The following PRDM11 variants were observed in gnomAD, a reference collection of about 807,000 sequenced individuals.
PRDM11 encodes PR/SET domain 11, also known as PR domain-containing protein 11.
Under a neutral mutation model 97.8 loss-of-function variants are expected in PRDM11, and 20 were observed. That is an observed-to-expected ratio of 0.20 (90% confidence interval 0.14 to 0.30). PRDM11 has a LOEUF of 0.30. Ranked by LOEUF, PRDM11 falls within the 10% of genes least tolerant of loss-of-function variation. PRDM11 has a pLI of 1.00. For synonymous variants in PRDM11, 599 were observed against 637.7 expected, an observed-to-expected ratio of 0.94 and a Z score of 0.91; for missense variants, 1,139 against 1,555.2, an observed-to-expected ratio of 0.73 and a Z score of 4.50.
chr11:45,153,194 G>A (rs371993738), intron 1 of PRDM11, among the ~76,000 whole-genome samples: 12 of 152,312 alleles, frequency 7.9e-5, no homozygotes, highest in East Asian at 7.7e-4. Context: ...TCTGAGTAGC[G>A]AGGGGACCCG....
At chr11:45,143,280 C>G (rs1851444255), upstream of PRDM11, among the ~76,000 whole-genome samples, 1 of 152,144 alleles carries the variant, frequency 6.6e-6, no homozygotes, top group South Asian at 2.1e-4. Flanking sequence ...ATCCAGGGGG[C>G]ATTTACCTTG....
upstream of PRDM11, among the ~76,000 whole-genome samples, chr11:45,095,077 C>T (rs927165793): frequency 6.6e-6 from 1 of 152,106 alleles, no homozygotes; most frequent in Non-Finnish European, 1.5e-5. Flanking sequence ...CAACGCCCTT[C>T]CCCAACCTGC....
intron 1 of PRDM11, among the ~76,000 whole-genome samples, chr11:45,121,437 T>C (rs1852427809): frequency 6.6e-6 from 1 of 152,152 alleles, no homozygotes; most frequent in Non-Finnish European, 1.5e-5. Context: ...GCTTCAAATA[T>C]GCAAAGCAAA....
At chr11:45,176,482 CATT>C in intron 1 of PRDM11, among the ~76,000 whole-genome samples, 1 of 152,216 alleles carries the variant, frequency 6.6e-6, no homozygotes, top group South Asian at 2.1e-4. Context: ...ATAGGTCAGG[CATT>C]ATGCTGTGTT....
intron 1 of PRDM11, among the ~76,000 whole-genome samples, chr11:45,148,976 A>G (rs1414426139): frequency 6.6e-6 from 1 of 152,098 alleles, no homozygotes; most frequent in Admixed American, 6.5e-5. Flanking sequence ...CCAAGAGCAC[A>G]CTGTCCCACT....
At chr11:45,225,957 C>A in intron 7 of PRDM11, 38 bp from the exon 8 acceptor site, 1 of 1,448,230 alleles carries the variant, frequency 6.9e-7, no homozygotes. Flanking sequence ...CTGTTTTCTC[C>A]CCCAGGTATA....
Position 45,227,128 on chromosome 11 carries a change from C to G in PRDM11, c.2503C>G (p.Leu835Val), listed in dbSNP as rs1854294818. The G allele has an allele frequency of 6.5e-7, 1 of 1,533,880 alleles. No individual in the cohort carries two copies. The highest frequency in any genetic ancestry group is 1.4e-5 in the African/African-American group (1 of 72,994). ...VRWIIGEQNV[L>V]NALIKDYLEV... ...GTGGATCATCGGCGAGCAGAACGTC[C>G]TCAACGCTCTCATCAAGGACTACCT... is the stretch of plus-strand genomic sequence containing the variant. Residue 835 changes from leucine (L) to valine (V), a missense_variant, in exon 8 of 8, where the codon CTC (leucine) becomes GTC (valine). Physicochemically the swap from Leu to Val is conservative, Grantham distance 32 (BLOSUM62 1). Coordinates refer to ENST00000683152, the MANE Select transcript of PRDM11 (RefSeq NM_001384648.1). The surrounding 1 kb of genome is among the most constrained non-coding windows in gnomAD (Gnocchi z 8.0).
chr11:45,186,003 A>G (rs2135746667), intron 4 of PRDM11, among the ~76,000 whole-genome samples: 1 of 152,100 alleles, frequency 6.6e-6, no homozygotes, highest in African/African-American at 2.4e-5. Context: ...GCCGGGAGTC[A>G]AGGGATGCAG....
At chr11:45,176,393 A>T (rs1489276727) in intron 1 of PRDM11, among the ~76,000 whole-genome samples, 1 of 152,170 alleles carries the variant, frequency 6.6e-6, no homozygotes, top group Non-Finnish European at 1.5e-5. Context: ...CAGAAATTTC[A>T]CCACCATGTG....
chr11:45,175,755 G>A (rs1472170952), intron 1 of PRDM11, among the ~76,000 whole-genome samples: 1 of 152,046 alleles, frequency 6.6e-6, no homozygotes, highest in African/African-American at 2.4e-5. Flanking sequence ...CTCCAGAAAG[G>A]TTACACCAAT....
Position 45,194,970 on chromosome 11 carries a change from G to A in PRDM11, c.487-9741G>A, listed in dbSNP as rs533723308. 5.9e-5 allele frequency among the ~76,000 whole-genome samples: 9 copies of A among 151,946 alleles called. No individual in the cohort carries two copies. The East Asian group carries it at 1.7e-3, about 29-fold the overall frequency. On this transcript the variant is annotated intron_variant, in intron 4 of 7. Transcript: ENST00000683152. ...CATGTTACTTATCTAAGGTTATACAGGTCATTTATGGGGCCAGGACTTTTA... is the reference window on the plus strand; with the variant it reads ...CATGTTACTTATCTAAGGTTATACAAGTCATTTATGGGGCCAGGACTTTTA...
intron 1 of PRDM11, among the ~76,000 whole-genome samples, chr11:45,109,173 C>T (rs982917072): frequency 1.3e-5 from 2 of 152,144 alleles, no homozygotes; most frequent in Non-Finnish European, 2.9e-5. Flanking sequence ...CTTTGGGTCA[C>T]CTCCTATTTC....
At chr11:45,177,937 C>A (rs1179586270) in intron 1 of PRDM11, among the ~76,000 whole-genome samples, 2 of 152,156 alleles carry the variant, frequency 1.3e-5, no homozygotes, top group Non-Finnish European at 2.9e-5. Flanking sequence ...TTTTATAAAA[C>A]ATTGCAAATC....
At chr11:45,101,603 G>C in intron 1 of PRDM11, among the ~76,000 whole-genome samples, 1 of 149,586 alleles carries the variant, frequency 6.7e-6, no homozygotes, top group Admixed American at 6.6e-5. Flanking sequence ...AGAAGAAGGC[G>C]TTCAGGGCTC....
upstream of PRDM11, among the ~76,000 whole-genome samples, chr11:45,142,483 C>A (rs1280781953): frequency 1.3e-5 from 2 of 152,146 alleles, no homozygotes; most frequent in Non-Finnish European, 2.9e-5. Flanking sequence ...TCCTCATGAT[C>A]TAGGGATGCC....
At chr11:45,182,093 C>T (rs533825299) in intron 2 of PRDM11, among the ~76,000 whole-genome samples, 153 bp from the exon 3 acceptor site, 2 of 152,344 alleles carry the variant, frequency 1.3e-5, no homozygotes, top group East Asian at 1.9e-4. Flanking sequence ...AGTTTTTCCA[C>T]CACCTCCTGC....
chr11:45,223,553 C>T (rs554456285), intron 6 of PRDM11, among the ~76,000 whole-genome samples: 32 of 152,280 alleles, frequency 2.1e-4, no homozygotes, highest in Middle Eastern at 3.4e-3. Context: ...GAGCCCTCAG[C>T]GCCATAGGTC....
At chr11:45,212,487 C>T (rs962331003) in intron 5 of PRDM11, 10 of 418,766 alleles carry the variant, frequency 2.4e-5, no homozygotes, top group Middle Eastern at 4.7e-4. Flanking sequence ...GATGAGGAGG[C>T]GCCTGGGCCC....
intron 1 of PRDM11, among the ~76,000 whole-genome samples, chr11:45,135,144 T>C (rs1852814042): frequency 6.6e-6 from 1 of 152,002 alleles, no homozygotes. Context: ...TCTCTCTCTC[T>C]CTCTCTCCTA....
Sources: gnomAD v4.1 joint callset for allele counts (sites outside exome capture counted in the v4.1 genomes callset) on GRCh38, gnomAD v4.1.1 for gene constraint, Gnocchi (gnomAD v3.1) non-coding constraint, MANE v1.5 for transcripts, NCBI Gene and HGNC (gene_info 2026-07-23, HGNC 2026-07-21) for gene names.